INSC: variants seen among roughly 807,000 people sequenced by gnomAD.
INSC encodes INSC spindle orientation adaptor protein, also known as protein inscuteable homolog.
INSC carries 67 observed loss-of-function variants against 58.6 expected under a neutral mutation model. The ratio of observed to expected loss-of-function variants is 1.14; its 90% CI spans 0.94 to 1.40. The LOEUF (loss-of-function observed/expected upper bound fraction) is 1.40, where lower values mean the gene tolerates loss of function less well. Ranked by LOEUF, INSC falls within the 40% of genes most tolerant of loss-of-function variation. INSC has a pLI of 0.00. For synonymous variants in INSC, 262 were observed against 276.1 expected, an observed-to-expected ratio of 0.95 and a Z score of 0.51; for missense variants, 714 against 692.0, an observed-to-expected ratio of 1.03 and a Z score of -0.36.
intron 1 of INSC, among the ~76,000 whole-genome samples, chr11:15,120,435 C>T (rs1847842406): frequency 6.6e-6 from 1 of 152,136 alleles, no homozygotes. Flanking sequence ...CCAACTGGGG[C>T]AGTCAGAAAG....
chr11:15,180,692 G>GA (rs887258434), intron 5 of INSC, among the ~76,000 whole-genome samples: 3 of 91,266 alleles, frequency 3.3e-5, no homozygotes, highest in South Asian at 5.7e-4. Flanking sequence ...TGAGGGGGGG[G>GA]GCGGGGGGGG....
At chr11:15,118,727 C>G (rs1398029421) in intron 1 of INSC, among the ~76,000 whole-genome samples, 1 of 152,182 alleles carries the variant, frequency 6.6e-6, no homozygotes, top group South Asian at 2.1e-4. Flanking sequence ...CTGGTTGTCC[C>G]CTGGGCTTTA....
chr11:15,198,649 C>T (rs2133877730), intron 6 of INSC, among the ~76,000 whole-genome samples: 1 of 152,120 alleles, frequency 6.6e-6, no homozygotes, highest in African/African-American at 2.4e-5. Context: ...TATAAGCACA[C>T]ACATATATAA....
intron 4 of INSC, among the ~76,000 whole-genome samples, chr11:15,177,400 A>T (rs1193568605): frequency 6.6e-6 from 1 of 152,214 alleles, no homozygotes; most frequent in Non-Finnish European, 1.5e-5. Flanking sequence ...AGGAAGAAAG[A>T]GGATTTTCTA....
chr11:15,187,313 G>GAAGGGGAATTAGAACTCATCTCTCTATAA lies in INSC; in HGVS notation c.580-3384_580-3356dup, dbSNP rs532717818. 2.2e-3 allele frequency among the ~76,000 whole-genome samples: 339 copies of GAAGGGGAATTAGAACTCATCTCTCTATAA among 152,304 alleles called. 1 individual carries two copies. Among genetic ancestry groups the GAAGGGGAATTAGAACTCATCTCTCTATAA allele is most frequent in the Admixed American group, 4.1e-3 (62 of 15,290 alleles). On this transcript the variant is annotated intron_variant, in intron 5 of 12. Transcript: ENST00000379556. Reference sequence around the variant, plus strand: ...CAAGGCATTAAGACCAGATTCAAGGGAAGGGGAATTAGAACTCATCTCTCT... The same window carrying GAAGGGGAATTAGAACTCATCTCTCTATAA: ...CAAGGCATTAAGACCAGATTCAAGGGAAGGGGAATTAGAACTCATCTCTCTATAAAAGGGGAATTAGAACTCATCTCTCT...
chr11:15,226,375 T>C (rs916952597), intron 9 of INSC, among the ~76,000 whole-genome samples: 1 of 152,214 alleles, frequency 6.6e-6, no homozygotes, highest in African/African-American at 2.4e-5. Context: ...CTATGTATAT[T>C]TGAGCTCCAT....
the INSC span, among the ~76,000 whole-genome samples, chr11:15,253,424 A>G: frequency 6.6e-6 from 1 of 152,156 alleles, no homozygotes; most frequent in African/African-American, 2.4e-5. Flanking sequence ...CGGACGACCC[A>G]CAGCTCCATC....
At position 15,186,805 on chromosome 11, in the gene INSC, T is replaced by A. The variant is rs1322992472; in HGVS notation, c.580-3896T>A. On this transcript the variant is annotated intron_variant, in intron 5 of 12. Coordinates refer to ENST00000379556, the MANE Select transcript of INSC (RefSeq NM_001042536.3). Reference sequence around the variant, plus strand: ...TCACCTGAGATGGTTTATCCAGTAATCTTTCGAATAGTTCATGATGATCTC... The same window carrying A: ...TCACCTGAGATGGTTTATCCAGTAAACTTTCGAATAGTTCATGATGATCTC... Among the ~76,000 whole-genome samples the A allele has an allele frequency of 2.0e-5, 3 of 152,304 alleles. No individual in the cohort carries two copies. The South Asian group carries it at 6.2e-4, about 32-fold the overall frequency.
At position 15,211,519 on chromosome 11, in the gene INSC, T is replaced by C. The variant is rs142062671; in HGVS notation, c.820-9958T>C. ...TCTCTTAATGGTGTCTTTTGATAAA[T>C]AGAAATGCTTAATTTTGTTAAAATT... On this transcript the variant is annotated intron_variant, in intron 7 of 12. Transcript: ENST00000379556. Among the ~76,000 whole-genome samples, 5 of 152,328 alleles carry C rather than the reference T, an allele frequency of 3.3e-5. No individual in the cohort carries two copies. In the East Asian group the frequency reaches 7.7e-4, roughly 23 times the overall value.
chr11:15,117,624 A>T (rs74573323), intron 1 of INSC, among the ~76,000 whole-genome samples: 4,993 of 152,290 alleles, frequency 0.033, 289 homozygotes, highest in African/African-American at 0.11. Flanking sequence ...TTAACTGTAA[A>T]CTTCCACATC....
chr11:15,253,256 GA>G, the INSC span, among the ~76,000 whole-genome samples: 4 of 152,142 alleles, frequency 2.6e-5, no homozygotes, highest in African/African-American at 7.2e-5. Flanking sequence ...GCTGGGAGCA[GA>G]AAGTGTGTAA....
intron 1 of INSC, among the ~76,000 whole-genome samples, chr11:15,126,596 A>AGAACAC (rs1848001872): frequency 6.6e-6 from 1 of 152,222 alleles, no homozygotes; most frequent in South Asian, 2.1e-4. Context: ...AGGGGCATAT[A>AGAACAC]TTGTCTAAGG....
chr11:15,253,468 T>C, the INSC span, among the ~76,000 whole-genome samples: 117 of 152,198 alleles, frequency 7.7e-4, 1 homozygote, highest in African/African-American at 2.7e-3. Flanking sequence ...AACCTCAGAA[T>C]AATTACTGTC....
At chr11:15,190,550 ACTT>A in intron 5 of INSC, 148 bp from the exon 6 acceptor site, 1 of 667,304 alleles carries the variant, frequency 1.5e-6, no homozygotes, top group Non-Finnish European at 2.7e-6. Flanking sequence ...CAAAGCTAGA[ACTT>A]CATTGCACTC....
chr11:15,254,173 G>A, the INSC span, among the ~76,000 whole-genome samples: 2 of 152,262 alleles, frequency 1.3e-5, no homozygotes, highest in African/African-American at 4.8e-5. Context: ...GGCTTAGAGA[G>A]GTCAGGTAAT....
intron 2 of INSC, among the ~76,000 whole-genome samples, chr11:15,159,042 C>A (rs986212473): frequency 6.6e-6 from 1 of 152,110 alleles, no homozygotes; most frequent in Non-Finnish European, 1.5e-5. Context: ...GGCTGTAGGA[C>A]TTGAGACAGG....
chr11:15,133,685 C>A (rs1848175926), intron 1 of INSC, among the ~76,000 whole-genome samples: 1 of 152,218 alleles, frequency 6.6e-6, no homozygotes, highest in Non-Finnish European at 1.5e-5. Context: ...GAGAATACAA[C>A]ATTCAACAGA....
At chr11:15,243,788 A>C (rs1269098004) in intron 12 of INSC, among the ~76,000 whole-genome samples, 25 of 130,470 alleles carry the variant, frequency 1.9e-4, no homozygotes, top group African/African-American at 2.6e-4. Flanking sequence ...CTCCTTCTCT[A>C]CTCCTTCCTT....
Position 15,115,009 on chromosome 11 carries a change from T to C in INSC, c.-46+6T>C. On this transcript the variant is annotated splice_donor_region_variant and intron_variant, in intron 1 of 12. Transcript: ENST00000379556. ...CAGCCTGTCTCGCACGCTAAGTAAG[T>C]AGACAGCTCCCCTAGCTGGATTCAG... The C allele has an allele frequency of 1.0e-6, 1 of 985,462 alleles. No homozygotes were observed. Among genetic ancestry groups the C allele is most frequent in the Non-Finnish European group, 1.2e-6 (1 of 829,942 alleles). 61.0% of individuals were successfully genotyped at this position (985,462 alleles called of 1,614,324 possible).
Sources: gnomAD v4.1 joint callset for allele counts (sites outside exome capture counted in the v4.1 genomes callset) on GRCh38, gnomAD v4.1.1 for gene constraint, MANE v1.5 for transcripts, NCBI Gene and HGNC (gene_info 2026-07-23, HGNC 2026-07-21) for gene names.